The following LRP1B variants were observed in gnomAD, a reference collection of about 807,000 sequenced individuals.
LRP1B encodes low-density lipoprotein receptor-related protein 1B.
Under a neutral mutation model 556.6 loss-of-function variants are expected in LRP1B, and 217 were observed. The observed-to-expected ratio is 0.39, with a 90% CI of 0.35 to 0.44. LRP1B has a LOEUF of 0.44. Among genes scored for constraint, LRP1B ranks in the 20% least tolerant of loss-of-function variants. The pLI is 1.00. For missense variants in LRP1B, 5,053 were observed against 5,620.8 expected, an observed-to-expected ratio of 0.90 and a Z score of 3.23; for synonymous variants, 2,047 against 1,865.8, an observed-to-expected ratio of 1.10 and a Z score of -2.50.
chr2:141,865,659 A>G (rs1698392230), intron 1 of LRP1B, among the ~76,000 whole-genome samples: 1 of 152,110 alleles, frequency 6.6e-6, no homozygotes, highest in South Asian at 2.1e-4. Context: ...AAGAGGGTAG[A>G]AGAAAGTGAC....
chr2:141,922,041 A>T (rs1341886089), intron 1 of LRP1B, among the ~76,000 whole-genome samples: 2 of 152,194 alleles, frequency 1.3e-5, no homozygotes, highest in African/African-American at 4.8e-5. Context: ...ATCCTTAAAT[A>T]TTAAGAAAAA....
At chr2:141,954,373 A>G (rs1324481663) in intron 1 of LRP1B, among the ~76,000 whole-genome samples, 1 of 152,134 alleles carries the variant, frequency 6.6e-6, no homozygotes, top group Admixed American at 6.6e-5. Context: ...TGCACCATGT[A>G]TCTTAATGCC....
chr2:140,407,846 A>G (rs1438074469), intron 66 of LRP1B, among the ~76,000 whole-genome samples: 1 of 152,020 alleles, frequency 6.6e-6, no homozygotes, highest in East Asian at 1.9e-4. Context: ...CCAAAAGAAA[A>G]GAAGTCATTA....
chr2:141,547,982 A>G (rs2105224716), intron 2 of LRP1B, among the ~76,000 whole-genome samples: 1 of 152,282 alleles, frequency 6.6e-6, no homozygotes, highest in South Asian at 2.1e-4. Context: ...AGTGGCAGAG[A>G]CTTTGAGAAA....
intron 1 of LRP1B, among the ~76,000 whole-genome samples, chr2:142,077,792 C>A (rs953256392): frequency 6.6e-6 from 1 of 152,002 alleles, no homozygotes; most frequent in Non-Finnish European, 1.5e-5. Context: ...TTACATCTGC[C>A]CAGAAGGCCT....
intron 35 of LRP1B, among the ~76,000 whole-genome samples, chr2:140,759,486 C>T (rs1165549564): frequency 6.6e-6 from 1 of 152,130 alleles, no homozygotes; most frequent in African/African-American, 2.4e-5. Flanking sequence ...ACTAATGAAA[C>T]TAGTTTTATT....
chr2:141,559,341 AG>A (rs1686065851), intron 2 of LRP1B, among the ~76,000 whole-genome samples: 1 of 151,690 alleles, frequency 6.6e-6, no homozygotes, highest in African/African-American at 2.4e-5. Context: ...CTTATTATTT[AG>A]TTCGGTGGTG....
chr2:141,131,141 A>C (rs1412240264), intron 7 of LRP1B, among the ~76,000 whole-genome samples: 1 of 152,068 alleles, frequency 6.6e-6, no homozygotes, highest in Admixed American at 6.6e-5. Context: ...TTAAAATACA[A>C]TTAAATAATA....
intron 1 of LRP1B, among the ~76,000 whole-genome samples, chr2:142,022,530 T>C (rs1158302937): frequency 6.6e-6 from 1 of 152,136 alleles, no homozygotes; most frequent in African/African-American, 2.4e-5. Flanking sequence ...TGTATACTCC[T>C]TACTTGGAGA....
At chr2:140,575,169 T>C (rs1300131259) in intron 43 of LRP1B, among the ~76,000 whole-genome samples, 3 of 151,858 alleles carry the variant, frequency 2.0e-5, no homozygotes, top group African/African-American at 7.3e-5. Context: ...ATATGAGGAG[T>C]TGAGTATGTG....
intron 56 of LRP1B, among the ~76,000 whole-genome samples, chr2:140,493,916 A>C (rs1688807439): frequency 6.6e-6 from 1 of 152,052 alleles, no homozygotes; most frequent in Non-Finnish European, 1.5e-5. Flanking sequence ...CCAGACTGAG[A>C]CTCAGAATAC....
At chr2:140,673,607 A>G (rs1481558577) in intron 41 of LRP1B, among the ~76,000 whole-genome samples, 1 of 152,146 alleles carries the variant, frequency 6.6e-6, no homozygotes, top group Non-Finnish European at 1.5e-5. Context: ...AGTTCTTCCA[A>G]CCTCTACCCA....
chr2:141,027,380 T>A (rs1199228877), intron 11 of LRP1B, among the ~76,000 whole-genome samples: 1 of 152,128 alleles, frequency 6.6e-6, no homozygotes, highest in East Asian at 1.9e-4. Flanking sequence ...AGCAGAACAA[T>A]GCCTGGCACA....
chr2:140,472,628 A>G (rs1354898439), intron 60 of LRP1B, among the ~76,000 whole-genome samples: 1 of 152,066 alleles, frequency 6.6e-6, no homozygotes, highest in Non-Finnish European at 1.5e-5. Flanking sequence ...CCTTGGAGAT[A>G]ATCTGAACTT....
At chr2:140,941,742 A>T in intron 20 of LRP1B, among the ~76,000 whole-genome samples, 1 of 152,156 alleles carries the variant, frequency 6.6e-6, no homozygotes, top group East Asian at 1.9e-4. Context: ...CACAACATAC[A>T]TGTAAGTTAA....
At chr2:141,918,418 TC>T (rs1250481381) in intron 1 of LRP1B, among the ~76,000 whole-genome samples, 1 of 152,108 alleles carries the variant, frequency 6.6e-6, no homozygotes, top group Non-Finnish European at 1.5e-5. Flanking sequence ...TTCATCCTAA[TC>T]TTTTTCATGT....
chr2:140,641,635 T>C (rs188772536), intron 41 of LRP1B, among the ~76,000 whole-genome samples: 1 of 152,318 alleles, frequency 6.6e-6, no homozygotes, highest in Non-Finnish European at 1.5e-5. Context: ...GCACCTTCAG[T>C]GTCCTGTTCT....
chr2:140,358,119 A>G lies in LRP1B; in HGVS notation c.11258-3T>C, dbSNP rs369334570. 89 of 1,609,072 alleles carry G rather than the reference A, an allele frequency of 5.5e-5. No homozygotes were observed. Among genetic ancestry groups the G allele is most frequent in the Non-Finnish European group, 7.1e-5 (84 of 1,176,912 alleles). On this transcript the variant is annotated splice_polypyrimidine_tract_variant and splice_region_variant and intron_variant, in intron 73 of 90. Transcript: ENST00000389484. Reference sequence around the variant, plus strand: ...CCTTGCTTTATATGTCAGCTTACCTATAGAGTCATACAAAAAATGATTAGT... The same window carrying G: ...CCTTGCTTTATATGTCAGCTTACCTGTAGAGTCATACAAAAAATGATTAGT...
Position 140,601,475 on chromosome 2 carries a change from C to T in LRP1B, c.6964G>A (p.Val2322Met), listed in dbSNP as rs549358459. 91 of 1,612,366 alleles carry T rather than the reference C, an allele frequency of 5.6e-5. 1 individual carries two copies. The South Asian group carries it at 7.9e-4, about 14-fold the overall frequency. ...ITMSEDDHPH[V>M]LALDECQNLM... The stretch of plus-strand genomic sequence containing the variant: ...TTTTGACATTCATCCAAGGCTAGCA[C>T]ATGTGGATGGTCATCTTCTGACATG... Residue 2322 changes from valine to methionine, a missense_variant, in exon 42 of 91, where the codon GTG becomes ATG. Physicochemically the swap from Val to Met is conservative, Grantham distance 21. Coordinates refer to ENST00000389484, the MANE Select transcript of LRP1B (RefSeq NM_018557.3).
Sources: allele counts gnomAD v4.1 joint callset (sites outside exome capture counted in the v4.1 genomes callset), GRCh38; gene constraint gnomAD v4.1.1; transcripts MANE v1.5; gene names NCBI Gene and HGNC (gene_info 2026-07-23, HGNC 2026-07-21).